The following MTA3 variants were observed in gnomAD, a reference collection of about 807,000 sequenced individuals.
MTA3 encodes metastasis associated 1 family member 3.
A neutral mutation model predicts 83.5 loss-of-function variants in MTA3; 34 were observed. The ratio of observed to expected loss-of-function variants is 0.41; its 90% CI spans 0.31 to 0.54. The LOEUF is 0.54. Ranked by LOEUF, MTA3 falls within the 20% of genes least tolerant of loss-of-function variation. The pLI is 0.33. For synonymous variants in MTA3, 303 were observed against 252.7 expected (o/e 1.20, Z -1.89); for missense variants, 761 against 726.4 (o/e 1.05, Z -0.55).
At chr2:42,513,782 A>C (rs1207033037) in intron 2 of MTA3, among the ~76,000 whole-genome samples, 1 of 152,208 alleles carries the variant, frequency 6.6e-6, no homozygotes, top group African/African-American at 2.4e-5. Context: ...CAGGACTGCC[A>C]CGCCTCCCAG....
At chr2:42,708,832 A>G (rs375789154) in intron 13 of MTA3, 42 bp from the exon 14 acceptor site, 7 of 1,605,608 alleles carry the variant, frequency 4.4e-6, no homozygotes, top group Non-Finnish European at 6.0e-6. Flanking sequence ...GTGTTTGGGC[A>G]AGTTCACTTC....
chr2:42,691,935 T>C (rs1477908350), intron 9 of MTA3, among the ~76,000 whole-genome samples: 1 of 152,240 alleles, frequency 6.6e-6, no homozygotes, highest in African/African-American at 2.4e-5. Flanking sequence ...TCGTTGCTTT[T>C]GAGGTTCTTT....
At chr2:42,506,618 A>T (rs2103656323) in intron 2 of MTA3, among the ~76,000 whole-genome samples, 1 of 102,488 alleles carries the variant, frequency 9.8e-6, no homozygotes, top group East Asian at 2.4e-4. Context: ...TAATTTACTT[A>T]TTATTATTAT....
chr2:42,571,883 G>A (rs1678526284), intron 2 of MTA3, among the ~76,000 whole-genome samples: 1 of 151,646 alleles, frequency 6.6e-6, no homozygotes, highest in Non-Finnish European at 1.5e-5. Flanking sequence ...GGAGGCATAG[G>A]TGGCAGTGAG....
intron 16 of MTA3, among the ~76,000 whole-genome samples, chr2:42,739,180 GT>G (rs1339490800): frequency 6.6e-6 from 1 of 152,026 alleles, no homozygotes; most frequent in Non-Finnish European, 1.5e-5. Flanking sequence ...TCCTACCAAC[GT>G]GTGATGTCTC....
chr2:42,660,758 T>C (rs1484513274), intron 8 of MTA3, among the ~76,000 whole-genome samples: 1 of 152,224 alleles, frequency 6.6e-6, no homozygotes, highest in Non-Finnish European at 1.5e-5. Flanking sequence ...CAATATGGGT[T>C]TTTAACTTTC....
intron 16 of MTA3, among the ~76,000 whole-genome samples, chr2:42,734,383 T>C (rs931321960): frequency 3.2e-5 from 1 of 31,360 alleles, no homozygotes; most frequent in African/African-American, 2.2e-4. Flanking sequence ...TTGCATGGAA[T>C]TTTTTTTTTT....
intron 2 of MTA3, among the ~76,000 whole-genome samples, chr2:42,549,541 T>TAA (rs1289756552): frequency 1.1e-4 from 12 of 110,288 alleles, no homozygotes; most frequent in Non-Finnish European, 1.5e-4. Flanking sequence ...TATACATATA[T>TAA]TACATAATAT....
intron 2 of MTA3, among the ~76,000 whole-genome samples, chr2:42,526,359 C>G (rs1247475612): frequency 6.6e-6 from 1 of 152,196 alleles, no homozygotes; most frequent in Non-Finnish European, 1.5e-5. Flanking sequence ...GCCACCGAGG[C>G]CGATTGGCCT....
At chr2:42,554,039 G>A (rs1273588296) in intron 2 of MTA3, among the ~76,000 whole-genome samples, 2 of 151,896 alleles carry the variant, frequency 1.3e-5, no homozygotes, top group Non-Finnish European at 2.9e-5. Flanking sequence ...TTTGAGACCA[G>A]CCTGACCAAC....
At chr2:42,619,092 G>C (rs909752692) in intron 4 of MTA3, among the ~76,000 whole-genome samples, 2 of 152,148 alleles carry the variant, frequency 1.3e-5, no homozygotes, top group African/African-American at 4.8e-5. Flanking sequence ...TTTTAAATAC[G>C]TGAGAAATAA....
chr2:42,581,796 C>T lies in MTA3; in HGVS notation c.190+2596C>T, dbSNP rs112452341. On this transcript the variant is annotated intron_variant, in intron 3 of 16. Coordinates refer to ENST00000405094, the MANE Select transcript of MTA3 (RefSeq NM_001330442.2). Reference sequence around the variant, plus strand: ...TTTTATTTATTTAGAGACGGAGTTTCGCTCTTGTTGCCCAGGCTGGAGTGC... The same window carrying T: ...TTTTATTTATTTAGAGACGGAGTTTTGCTCTTGTTGCCCAGGCTGGAGTGC... The T allele has an allele frequency of 5.9e-3, 1,632 of 278,566 alleles. 33 individuals are homozygous for T. Among genetic ancestry groups the T allele is most frequent in the African/African-American group, 0.034 (1,454 of 42,680 alleles). The allele number at this position is 278,566 out of a possible 1,614,324, so 17.3% of individuals were successfully genotyped here.
At chr2:42,737,964 C>T (rs1668729287) in intron 16 of MTA3, among the ~76,000 whole-genome samples, 1 of 152,128 alleles carries the variant, frequency 6.6e-6, no homozygotes, top group Non-Finnish European at 1.5e-5. Context: ...TTTCCCAGTG[C>T]ATATAAAGTT....
chr2:42,634,498 C>T (rs529259368), intron 4 of MTA3, among the ~76,000 whole-genome samples: 47 of 152,122 alleles, frequency 3.1e-4, no homozygotes, highest in African/African-American at 1.1e-3. Context: ...TGTATAAAAC[C>T]GTCAGATCAT....
intron 16 of MTA3, among the ~76,000 whole-genome samples, chr2:42,728,746 T>C (rs541780749): frequency 4.6e-5 from 7 of 152,358 alleles, no homozygotes; most frequent in African/African-American, 1.7e-4. Flanking sequence ...GTTTGCCATT[T>C]GTATGTCTTC....
At chr2:42,609,667 T>G in intron 4 of MTA3, 83 bp downstream of exon 4, 4 of 1,442,922 alleles carry the variant, frequency 2.8e-6, no homozygotes, top group Non-Finnish European at 3.7e-6. Context: ...TTCCAGACTC[T>G]TCTCAGGATC....
chr2:42,549,438 C>T lies in MTA3; in HGVS notation c.-140-20999C>T, dbSNP rs1246552203. 1.1e-4 allele frequency among the ~76,000 whole-genome samples: 6 copies of T among 54,404 alleles called. 1 individual carries two copies. Among genetic ancestry groups the T allele is most frequent in the African/African-American group, 1.7e-4 (2 of 11,494 alleles). 35.7% of individuals were successfully genotyped at this position (54,404 alleles called of 152,430 possible). A position where few individuals can be genotyped will look rare whatever the true frequency, so the allele number is the denominator to read the frequency against. ...TATATTATATAATATATAATATATA[C>T]GTATACATATAATATATTATATATA... is the stretch of plus-strand genomic sequence containing the variant. On this transcript the variant is annotated intron_variant, in intron 2 of 17. Coordinates refer to the MTA3 transcript ENST00000405592.
chr2:42,614,429 C>G (rs1684605380), intron 4 of MTA3, among the ~76,000 whole-genome samples: 1 of 152,118 alleles, frequency 6.6e-6, no homozygotes, highest in African/African-American at 2.4e-5. Context: ...TATTCAATAA[C>G]TTTTAAATTT....
chr2:42,609,722 T>C, intron 4 of MTA3, 138 bp downstream of exon 4: 1 of 992,748 alleles, frequency 1.0e-6, no homozygotes, highest in Middle Eastern at 2.3e-4. Context: ...GAATTTTAGG[T>C]TGGAAATTTA....
Sources: gnomAD v4.1 joint callset for allele counts (sites outside exome capture counted in the v4.1 genomes callset) on GRCh38, gnomAD v4.1.1 for gene constraint, MANE v1.5 for transcripts, NCBI Gene and HGNC (gene_info 2026-07-23, HGNC 2026-07-21) for gene names.